Variants in CHST10 observed in about 807,000 individuals in gnomAD.
CHST10 encodes the protein carbohydrate sulfotransferase 10, also known as HNK-1 sulfotransferase.
In CHST10, 24 loss-of-function variants were observed where a neutral mutation model predicts 34.7. That is an observed-to-expected ratio of 0.69 (90% CI 0.50 to 0.97). CHST10 has a LOEUF of 0.97. Among genes scored for constraint, CHST10 ranks in the 50% least tolerant of loss-of-function variants. CHST10 has a pLI of 0.00. For missense variants in CHST10, 402 were observed against 452.1 expected (o/e 0.89, Z 1.00); for synonymous variants, 161 against 169.3 (o/e 0.95, Z 0.38).
In CHST10 at chr2:100,406,648, C is replaced by A. The variant is rs150069978; in HGVS notation, c.28G>T (p.Ala10Ser). The A allele has an allele frequency of 1.9e-6, 3 of 1,613,984 alleles. No individual in the cohort carries two copies. Among genetic ancestry groups the A allele is most frequent in the African/African-American group, 2.7e-5 (2 of 74,910 alleles). MHHQWLLLA[A>S]CFWVIFMFMV... ...AACATGAAAATCACCCAAAAGCATG[C>A]GGCCAGCAGAAGCCACTGGTGGTGC... Residue 10 changes from alanine (A) to serine (S), a missense_variant, in exon 3 of 7, where the codon GCA (alanine) becomes TCA (serine). By Grantham distance (99) the Ala-to-Ser change is moderately conservative (BLOSUM62 1). Transcript: ENST00000264249.
intron 6 of CHST10, among the ~76,000 whole-genome samples, chr2:100,394,726 C>CTTTTT (rs11345127): frequency 1.0e-4 from 14 of 140,540 alleles, no homozygotes; most frequent in African/African-American, 3.7e-4. Context: ...ACTCCATCTT[C>CTTTTT]TTTTTTTTTT....
At chr2:100,405,839 G>A (rs937617221) in intron 3 of CHST10, among the ~76,000 whole-genome samples, 2 of 152,118 alleles carry the variant, frequency 1.3e-5, no homozygotes, top group Admixed American at 1.3e-4. Context: ...AAGTGGCCTC[G>A]GGGCTGGAGA....
chr2:100,393,596 G>A lies in CHST10; in HGVS notation c.720C>T (p.Phe240=), dbSNP rs776440097. 1.9e-5 allele frequency: 30 copies of A among 1,614,000 alleles called. No homozygotes were observed. Among genetic ancestry groups the A allele is most frequent in the South Asian group, 7.7e-5 (7 of 91,076 alleles). ...GGTTCGGATCGCCGAGGTAGCGCAC[G>A]AAATCTTCAAACTGGATCCCCCGGG... ...TETRGIQFED[F]VRYLGDPNHR... The change falls in exon 7 of 7, where the codon TTC becomes TTT. Residue 240 remains phenylalanine (F), a synonymous_variant. Transcript: ENST00000264249.
At chr2:100,399,353 C>T (rs2104333517) in intron 4 of CHST10, among the ~76,000 whole-genome samples, 1 of 152,328 alleles carries the variant, frequency 6.6e-6, no homozygotes, top group Admixed American at 6.5e-5. Context: ...TGATCCGCCA[C>T]CTCGGCCTCC....
chr2:100,392,932 T>C lies in CHST10; in HGVS notation c.*313A>G, dbSNP rs1303093272. On this transcript the variant is annotated 3_prime_UTR_variant, in exon 7 of 7. Transcript: ENST00000264249. ...CTGAAGGAAACGGCTCCTAACGCTG[T>C]GTGATGCTTCCTCCCTGCTGGGCTG... The C allele has an allele frequency of 2.8e-6, 1 of 351,176 alleles. No homozygotes were observed. Among genetic ancestry groups the C allele is most frequent in the Admixed American group, 4.1e-5 (1 of 24,196 alleles). The allele number at this position is 351,176 out of a possible 1,614,324, so 21.8% of individuals were successfully genotyped here.
At chr2:100,406,486 T>C (rs1268551515) in intron 3 of CHST10, 90 bp downstream of exon 3, 64 of 1,518,200 alleles carry the variant, frequency 4.2e-5, no homozygotes, top group Non-Finnish European at 5.3e-5. Context: ...TTTGACTCTG[T>C]GACAGAAGTC....
At chr2:100,400,348 T>C (rs958188024) in intron 4 of CHST10, among the ~76,000 whole-genome samples, 3 of 152,126 alleles carry the variant, frequency 2.0e-5, no homozygotes, top group Admixed American at 2.0e-4. Flanking sequence ...CAAGTGATTC[T>C]CCCACCTCAG....
At position 100,395,660 on chromosome 2, in the gene CHST10, C is replaced by T. The variant is rs376537618; in HGVS notation, c.428-46G>A. ...AAGGCAGGTTGGCTGCTCCAGTACG[C>T]CCCTTAGAGAAGGGCATGTCCTTAC... On this transcript the variant is annotated intron_variant, in intron 5 of 6. Coordinates refer to ENST00000264249, the MANE Select transcript of CHST10 (RefSeq NM_004854.5). The T allele has an allele frequency of 2.5e-5, 38 of 1,504,334 alleles. No individual in the cohort carries two copies. In the African/African-American group the frequency reaches 2.6e-4, roughly 10 times the overall value. 93.2% of individuals were successfully genotyped at this position (1,504,334 alleles called of 1,614,324 possible). A position where few individuals can be genotyped will look rare whatever the true frequency, so the allele number is the denominator to read the frequency against.
At chr2:100,395,130 T>C (rs1192864816) in intron 6 of CHST10, among the ~76,000 whole-genome samples, 1 of 152,150 alleles carries the variant, frequency 6.6e-6, no homozygotes, top group African/African-American at 2.4e-5. Context: ...GCACAATGCC[T>C]CTGGGAGAAT....
rs1424472975 is a variant in CHST10 at position 100,415,030 on chromosome 2, C to T, written c.-33+11G>A. 2 of 1,301,404 alleles carry T rather than the reference C, an allele frequency of 1.5e-6. No homozygotes were observed. Among genetic ancestry groups the T allele is most frequent in the Non-Finnish European group, 2.0e-6 (2 of 987,698 alleles). The allele number at this position is 1,301,404 out of a possible 1,614,324, so 80.6% of individuals were successfully genotyped here. On this transcript the variant is annotated intron_variant, in intron 2 of 6. Coordinates refer to ENST00000264249, the MANE Select transcript of CHST10 (RefSeq NM_004854.5). ...CAAATAACTGATGAGCTCACATTCT[C>T]CTTCACGTACCTTCTGCAGCCTGGG...
At chr2:100,416,677 G>A (rs1180169366) in intron 1 of CHST10, 9 of 323,220 alleles carry the variant, frequency 2.8e-5, no homozygotes, top group African/African-American at 1.6e-4. Context: ...CCAGACTCTG[G>A]TTTTCAGACA....
Position 100,393,504 on chromosome 2 carries a change from G to A in CHST10, c.812C>T (p.Ala271Val). The A allele has an allele frequency of 6.2e-7, 1 of 1,614,084 alleles. No homozygotes were observed. The highest frequency in any genetic ancestry group is 8.5e-7 in the Non-Finnish European group (1 of 1,180,030). ...CACACTGTACATTATCTCACAGGGAGCACAGAGCTCTACATACGTCACCCA... is the reference window on the plus strand; with the variant it reads ...CACACTGTACATTATCTCACAGGGAACACAGAGCTCTACATACGTCACCCA... The part of the protein sequence containing the change: ...IHWVTYVELC[A>V]PCEIMYSVIG... Residue 271 changes from alanine (A) to valine (V), a missense_variant, in exon 7 of 7, where the codon GCT becomes GTT. Transcript: ENST00000264249.
At chr2:100,402,692 G>T in intron 3 of CHST10, 37 bp from the exon 4 acceptor site, 1 of 1,570,686 alleles carries the variant, frequency 6.4e-7, no homozygotes, top group South Asian at 1.1e-5. Flanking sequence ...TCTCTAAAAG[G>T]AAAAGGCACA....
In CHST10 at chr2:100,393,243, C is replaced by T. The variant is rs904925817; in HGVS notation, c.*2G>A. On this transcript the variant is annotated 3_prime_UTR_variant, in exon 7 of 7. Transcript: ENST00000264249. ...GATATTTGAATTCATAGGTCTTATG[C>T]ATTAGTTTAGCAAAAAGTCTGGTTT... 8 of 1,613,668 alleles carry T rather than the reference C, an allele frequency of 5.0e-6. No individual in the cohort carries two copies. Among genetic ancestry groups the T allele is most frequent in the African/African-American group, 1.3e-5 (1 of 74,856 alleles).
chr2:100,405,409 G>T (rs536090976), intron 3 of CHST10, among the ~76,000 whole-genome samples: 3 of 152,272 alleles, frequency 2.0e-5, no homozygotes, highest in Admixed American at 2.0e-4. Flanking sequence ...CTAATTTCAG[G>T]GTGTCCCTCT....
chr2:100,393,481 C>T lies in CHST10; in HGVS notation c.835G>A (p.Val279Met), dbSNP rs1674893404. Residue 279 changes from valine to methionine, a missense_variant, in exon 7 of 7, where the codon GTG becomes ATG. Transcript: ENST00000264249. ...TCCAGGGTCTCGTGGTGTCCAATCA[C>T]ACTGTACATTATCTCACAGGGAGCA... ...LCAPCEIMYS[V>M]IGHHETLEDD... 6.2e-7 allele frequency: 1 copy of T among 1,614,018 alleles called. No individual in the cohort carries two copies. The highest frequency in any genetic ancestry group is 1.3e-5 in the African/African-American group (1 of 74,890).
At chr2:100,411,161 G>A (rs866457044) in intron 2 of CHST10, among the ~76,000 whole-genome samples, 2 of 140,210 alleles carry the variant, frequency 1.4e-5, no homozygotes, top group South Asian at 2.2e-4. Context: ...CTGTCACCCC[G>A]GCTGGAGTGC....
At chr2:100,406,443 T>C (rs903166770) in intron 3 of CHST10, 133 bp downstream of exon 3, 25 of 947,414 alleles carry the variant, frequency 2.6e-5, no homozygotes, top group Non-Finnish European at 3.9e-5. Flanking sequence ...ACGGAGGCCA[T>C]GACCTCCAAG....
chr2:100,400,005 T>C (rs565847867), intron 4 of CHST10, among the ~76,000 whole-genome samples: 2 of 152,242 alleles, frequency 1.3e-5, no homozygotes, highest in East Asian at 3.9e-4. Flanking sequence ...CATTTCCTCA[T>C]CCATCCCACC....
Sources: allele counts gnomAD v4.1 joint callset (sites outside exome capture counted in the v4.1 genomes callset), GRCh38; gene constraint gnomAD v4.1.1; transcripts MANE v1.5; gene names NCBI Gene and HGNC (gene_info 2026-07-23, HGNC 2026-07-21).